The following SLC39A10 variants were observed in gnomAD, a reference collection of about 807,000 sequenced individuals.
The protein encoded by SLC39A10 is zinc transporter ZIP10.
A neutral mutation model predicts 65.1 loss-of-function variants in SLC39A10; 13 were observed. That is an observed-to-expected ratio of 0.20 (90% confidence interval 0.13 to 0.32). SLC39A10 has a LOEUF of 0.32. Ranked by LOEUF, SLC39A10 falls within the 10% of genes least tolerant of loss-of-function variation. The pLI is 1.00. For synonymous variants in SLC39A10, 321 were observed against 342.2 expected, an observed-to-expected ratio of 0.94 and a Z score of 0.68; for missense variants, 831 against 1,018.4, an observed-to-expected ratio of 0.82 and a Z score of 2.50.
At chr2:195,722,907 G>A (rs1208971326) in intron 8 of SLC39A10, among the ~76,000 whole-genome samples, 3 of 152,262 alleles carry the variant, frequency 2.0e-5, no homozygotes, top group African/African-American at 7.2e-5. Flanking sequence ...GTAATTCCAA[G>A]TTCTAGTGTT....
chr2:195,657,818 G>T (rs1689217823), intron 1 of SLC39A10, among the ~76,000 whole-genome samples: 1 of 152,222 alleles, frequency 6.6e-6, no homozygotes, highest in South Asian at 2.1e-4. Context: ...GTAATGGGGC[G>T]AGGGGACCCC....
chr2:195,626,984 T>A (rs1196517806), intron 2 of SLC39A10, among the ~76,000 whole-genome samples: 1 of 152,214 alleles, frequency 6.6e-6, no homozygotes. Flanking sequence ...CCCTTGGCTG[T>A]TTTTATCTCA....
At chr2:195,729,881 C>T (rs990004159) in intron 9 of SLC39A10, among the ~76,000 whole-genome samples, 1 of 151,778 alleles carries the variant, frequency 6.6e-6, no homozygotes, top group Non-Finnish European at 1.5e-5. Flanking sequence ...TCACTGCAGA[C>T]TCGACTCCCC....
intron 3 of SLC39A10, among the ~76,000 whole-genome samples, chr2:195,686,648 A>G (rs1414858272): frequency 3.3e-5 from 5 of 152,232 alleles, no homozygotes; most frequent in Admixed American, 2.6e-4. Context: ...TAAACCCACT[A>G]TACAGGCACT....
At chr2:195,624,869 AAG>A (rs1467229992) in intron 2 of SLC39A10, among the ~76,000 whole-genome samples, 2 of 147,244 alleles carry the variant, frequency 1.4e-5, no homozygotes, top group Admixed American at 6.8e-5. Flanking sequence ...CCTGGGCGAA[AAG>A]AGAGAGACTC....
At chr2:195,617,386 C>A (rs1396827842) in intron 2 of SLC39A10, among the ~76,000 whole-genome samples, 1 of 151,710 alleles carries the variant, frequency 6.6e-6, no homozygotes, top group Non-Finnish European at 1.5e-5. Flanking sequence ...TATGGTGAAA[C>A]CCCGTCTCTA....
At chr2:195,617,059 A>G (rs1196799703) in intron 2 of SLC39A10, among the ~76,000 whole-genome samples, 1 of 152,154 alleles carries the variant, frequency 6.6e-6, no homozygotes, top group Non-Finnish European at 1.5e-5. Flanking sequence ...TGATTTCAGG[A>G]TTTTGAGACA....
At chr2:195,720,460 C>T (rs749184994) in intron 8 of SLC39A10, among the ~76,000 whole-genome samples, 26 of 152,152 alleles carry the variant, frequency 1.7e-4, no homozygotes, top group Non-Finnish European at 2.4e-4. Flanking sequence ...TGCCACCTTT[C>T]GAATATGCAA....
intron 1 of SLC39A10, among the ~76,000 whole-genome samples, chr2:195,672,280 A>G (rs1689894808): frequency 6.6e-6 from 1 of 151,980 alleles, no homozygotes; most frequent in Non-Finnish European, 1.5e-5. Flanking sequence ...ACAGGCATAC[A>G]CCACCACACC....
chr2:195,660,754 C>T (rs1013561948), intron 1 of SLC39A10, among the ~76,000 whole-genome samples: 1 of 152,040 alleles, frequency 6.6e-6, no homozygotes, highest in East Asian at 1.9e-4. Context: ...GTTTTCAAAG[C>T]GGGAAGTTAG....
intron 2 of SLC39A10, among the ~76,000 whole-genome samples, chr2:195,635,728 A>G: frequency 7.5e-6 from 1 of 133,934 alleles, no homozygotes; most frequent in African/African-American, 2.9e-5. Context: ...TTTTTACTTG[A>G]AAGACTGACA....
At position 195,676,199 on chromosome 2, in the gene SLC39A10, C is replaced by T. The variant is rs181597149; in HGVS notation, c.-11-3833C>T. On this transcript the variant is annotated intron_variant, in intron 1 of 9. Coordinates refer to ENST00000359634, the MANE Select transcript of SLC39A10 (RefSeq NM_020342.3). ...AAGCTTCCCCCTCCCCTGCCGCCAC[C>T]GAGACAGAGTCTTGCTGTGTCTCCC... Among the ~76,000 whole-genome samples the T allele has an allele frequency of 3.0e-3, 452 of 152,008 alleles. 3 individuals are homozygous for T. The highest frequency in any genetic ancestry group is 0.01 in the African/African-American group (421 of 41,452).
At position 195,646,689 on chromosome 2, in the gene SLC39A10, C is replaced by T. The variant is rs564540372; in HGVS notation, c.-11-33343C>T. ...GTAGGGCCTTTTAGGAACACTGCTG[C>T]ACAGCAGGAGGTGAGCGGAGGGTGA... On this transcript the variant is annotated intron_variant, in intron 2 of 2. Coordinates refer to the SLC39A10 transcript ENST00000458054. Among the ~76,000 whole-genome samples, 4 of 146,728 alleles carry T rather than the reference C, an allele frequency of 2.7e-5. No homozygotes were observed. The Admixed American group carries it at 2.8e-4, about 10-fold the overall frequency.
chr2:195,713,211 A>G (rs1399943127), intron 5 of SLC39A10, among the ~76,000 whole-genome samples: 1 of 152,192 alleles, frequency 6.6e-6, no homozygotes, highest in East Asian at 1.9e-4. Context: ...AAGTAGATGA[A>G]TGGAACCTCT....
intron 2 of SLC39A10, among the ~76,000 whole-genome samples, chr2:195,648,987 G>C (rs894988192): frequency 6.6e-6 from 1 of 152,096 alleles, no homozygotes; most frequent in African/African-American, 2.4e-5. Context: ...AATGAAACTT[G>C]GGTGTGATGA....
chr2:195,643,425 T>C (rs956754194), intron 2 of SLC39A10, among the ~76,000 whole-genome samples: 1 of 152,250 alleles, frequency 6.6e-6, no homozygotes, highest in East Asian at 1.9e-4. Flanking sequence ...TCATTTCTAT[T>C]CTGTAGGTTG....
chr2:195,681,743 A>T (rs1690333612), intron 2 of SLC39A10, among the ~76,000 whole-genome samples: 1 of 152,120 alleles, frequency 6.6e-6, no homozygotes. Context: ...TATTATTGTT[A>T]GCCATGTTCT....
At chr2:195,711,843 T>G (rs145324283) in intron 5 of SLC39A10, among the ~76,000 whole-genome samples, 2 of 152,354 alleles carry the variant, frequency 1.3e-5, no homozygotes, top group East Asian at 3.8e-4. Context: ...CATTGACTTT[T>G]GTACTATTGT....
chr2:195,639,728 C>T (rs569558970), intron 2 of SLC39A10, among the ~76,000 whole-genome samples: 96 of 152,240 alleles, frequency 6.3e-4, no homozygotes, highest in African/African-American at 2.3e-3. Flanking sequence ...AGGCGAGTGC[C>T]ACCACACCCG....
Sources: allele counts gnomAD v4.1 joint callset (sites outside exome capture counted in the v4.1 genomes callset), GRCh38; gene constraint gnomAD v4.1.1; transcripts MANE v1.5; gene names NCBI Gene and HGNC (gene_info 2026-07-23, HGNC 2026-07-21).